The following PEAK1 variants were observed in gnomAD, a reference collection of about 807,000 sequenced individuals.
PEAK1 encodes the protein inactive tyrosine-protein kinase PEAK1.
A neutral mutation model predicts 124.7 loss-of-function variants in PEAK1; 54 were observed. The observed-to-expected ratio is 0.43, with a 90% CI of 0.35 to 0.54. The LOEUF (loss-of-function observed/expected upper bound fraction) is 0.54. Among genes scored for constraint, PEAK1 ranks in the 20% least tolerant of loss-of-function variants. PEAK1 has a pLI of 0.01. For synonymous variants in PEAK1, 719 were observed against 760.0 expected, an observed-to-expected ratio of 0.95 and a Z score of 0.89; for missense variants, 2,046 against 2,134.5, an observed-to-expected ratio of 0.96 and a Z score of 0.82.
At chr15:77,202,670 T>G (rs1596585887) in intron 6 of PEAK1, among the ~76,000 whole-genome samples, 1 of 148,798 alleles carries the variant, frequency 6.7e-6, no homozygotes, top group South Asian at 2.1e-4. Flanking sequence ...CTCAGGAGGC[T>G]GAGGCAGGAG....
At chr15:77,177,043 C>T (rs1045288916) in intron 7 of PEAK1, among the ~76,000 whole-genome samples, 5 of 152,110 alleles carry the variant, frequency 3.3e-5, no homozygotes, top group African/African-American at 9.7e-5. Flanking sequence ...GTGCAACCTC[C>T]ACCTCCCGGT....
At chr15:77,253,556 T>C (rs2060982829) in intron 5 of PEAK1, among the ~76,000 whole-genome samples, 1 of 152,210 alleles carries the variant, frequency 6.6e-6, no homozygotes, top group Admixed American at 6.5e-5. Flanking sequence ...TTATATTGTA[T>C]GTCTATTAAC....
chr15:77,134,271 G>A (rs142751743), intron 8 of PEAK1, among the ~76,000 whole-genome samples: 60 of 152,262 alleles, frequency 3.9e-4, no homozygotes, highest in African/African-American at 1.3e-3. Context: ...ATTATATATA[G>A]CATTTGTCAT....
rs55958042 is a variant in PEAK1, at chr15:77,225,666, T to TTATATATATATATATATATA, written c.-115+26681_-115+26700dup. Reference sequence around the variant, plus strand: ...GTGTGTGTGTGTGTGTGTGTATAATTTATATATATATATATATATATATAT... The same window carrying TTATATATATATATATATATA: ...GTGTGTGTGTGTGTGTGTGTATAATTTATATATATATATATATATATATATATATATATATATATATATAT... On this transcript the variant is annotated intron_variant, in intron 6 of 9. Coordinates refer to ENST00000682557, the MANE Select transcript of PEAK1 (RefSeq NM_001385026.1). Among the ~76,000 whole-genome samples the TTATATATATATATATATATA allele has an allele frequency of 1.3e-3, 113 of 87,980 alleles. 1 individual carries two copies. The highest frequency in any genetic ancestry group is 1.6e-3 in the Non-Finnish European group (70 of 43,236). The allele number at this position is 87,980 out of a possible 152,430, so 57.7% of individuals were successfully genotyped here. A position where few individuals can be genotyped will look rare whatever the true frequency, so the allele number is the denominator to read the frequency against.
rs544943015 is a variant in PEAK1, at chr15:77,322,004, C to T, written c.-602-35500G>A. On this transcript the variant is annotated intron_variant, in intron 2 of 9. Coordinates refer to ENST00000682557, the MANE Select transcript of PEAK1 (RefSeq NM_001385026.1). ...TCAAAACCGCTCGACTACATGGAAACGGAACAACCTGCTCCTGAATGACTA... is the reference window on the plus strand; with the variant it reads ...TCAAAACCGCTCGACTACATGGAAATGGAACAACCTGCTCCTGAATGACTA... Among the ~76,000 whole-genome samples, 10 of 152,272 alleles carry T rather than the reference C, an allele frequency of 6.6e-5. 1 individual carries two copies. In the South Asian group the frequency reaches 1.2e-3, roughly 19 times the overall value.
chr15:77,362,802 C>T (rs1015544395), intron 2 of PEAK1, among the ~76,000 whole-genome samples: 4 of 151,562 alleles, frequency 2.6e-5, no homozygotes, highest in Non-Finnish European at 5.9e-5. Flanking sequence ...TGAAATATGG[C>T]ATATAGATAT....
chr15:77,300,758 C>T (rs1380017606), intron 2 of PEAK1, among the ~76,000 whole-genome samples: 1 of 152,096 alleles, frequency 6.6e-6, no homozygotes, highest in Non-Finnish European at 1.5e-5. Flanking sequence ...GTTTCTCAGA[C>T]CTTCCTTGTT....
chr15:77,221,062 G>A (rs954343611), intron 6 of PEAK1, among the ~76,000 whole-genome samples: 1 of 152,006 alleles, frequency 6.6e-6, no homozygotes, highest in African/African-American at 2.4e-5. Flanking sequence ...AATATTTATT[G>A]TTTTCATAAT....
At chr15:77,391,607 C>G (rs112810872) in intron 1 of PEAK1, among the ~76,000 whole-genome samples, 1,523 of 151,798 alleles carry the variant, frequency 0.01, 31 homozygotes, top group African/African-American at 0.035. Flanking sequence ...ATTTCTGGCT[C>G]AGGCTAAGAT....
At position 77,286,489 on chromosome 15, in the gene PEAK1, C is replaced by G. The variant is rs1023007196; in HGVS notation, c.-587G>C. 204 of 1,227,822 alleles carry G rather than the reference C, an allele frequency of 1.7e-4. No individual in the cohort carries two copies. The highest frequency in any genetic ancestry group is 2.0e-4 in the Non-Finnish European group (197 of 984,758). 76.1% of individuals were successfully genotyped at this position (1,227,822 alleles called of 1,614,324 possible). ...TCCTTTTCTTTCCTTACAAATGGAT[C>G]TCAAGTATTCTTTTCCTATTAGAAG... On this transcript the variant is annotated 5_prime_UTR_variant, in exon 3 of 10. Coordinates refer to ENST00000682557, the MANE Select transcript of PEAK1 (RefSeq NM_001385026.1).
intron 1 of PEAK1, among the ~76,000 whole-genome samples, chr15:77,379,951 T>G (rs2069339114): frequency 6.6e-6 from 1 of 152,208 alleles, no homozygotes; most frequent in Non-Finnish European, 1.5e-5. Flanking sequence ...TCTTTTCTAG[T>G]ACTAAAATCC....
At chr15:77,323,051 G>C (rs2065332911) in intron 2 of PEAK1, among the ~76,000 whole-genome samples, 1 of 152,126 alleles carries the variant, frequency 6.6e-6, no homozygotes, top group South Asian at 2.1e-4. Flanking sequence ...TATCTCAATA[G>C]ATGCAGAAAA....
chr15:77,331,548 G>A (rs1032383666), intron 2 of PEAK1, among the ~76,000 whole-genome samples: 7 of 152,088 alleles, frequency 4.6e-5, no homozygotes, highest in African/African-American at 1.7e-4. Context: ...ATTTCTCTAG[G>A]ATAAATTATT....
At chr15:77,392,485 A>C (rs1419518717) in intron 1 of PEAK1, among the ~76,000 whole-genome samples, 1 of 152,232 alleles carries the variant, frequency 6.6e-6, no homozygotes, top group Non-Finnish European at 1.5e-5. Flanking sequence ...CAATCTCTGC[A>C]GCCTTAACTG....
At chr15:77,305,197 C>T (rs1464140330) in intron 2 of PEAK1, among the ~76,000 whole-genome samples, 7 of 78,566 alleles carry the variant, frequency 8.9e-5, no homozygotes, top group Non-Finnish European at 1.4e-4. Context: ...GAGGGAGGGA[C>T]GGAAGGAGGG....
At chr15:77,130,932 A>G (rs1025789070) in intron 9 of PEAK1, among the ~76,000 whole-genome samples, 1 of 152,210 alleles carries the variant, frequency 6.6e-6, no homozygotes, top group Non-Finnish European at 1.5e-5. Flanking sequence ...GCTCCATAAG[A>G]TGGGTGCCAT....
intron 7 of PEAK1, among the ~76,000 whole-genome samples, chr15:77,167,881 T>C (rs2056220678): frequency 6.6e-6 from 1 of 152,036 alleles, no homozygotes; most frequent in Non-Finnish European, 1.5e-5. Flanking sequence ...ATGCTATCCC[T>C]CCCCCATGCC....
Position 77,253,250 on chromosome 15 carries a change from G to GGT in PEAK1, c.-274-725_-274-724insAC, listed in dbSNP as rs1555457273. ...CTGTGAATTTTGGTATGCGTTGGGG[G>GGT]GGGGGTGGTCCTGGAGCCAATCTCC... On this transcript the variant is annotated intron_variant, in intron 5 of 9. Transcript: ENST00000682557. Among the ~76,000 whole-genome samples, 64 of 149,974 alleles carry GGT rather than the reference G, an allele frequency of 4.3e-4. 2 individuals are homozygous for GGT. The highest frequency in any genetic ancestry group is 3.4e-3 in the Middle Eastern group (1 of 292).
chr15:77,348,810 CGGG>C, intron 2 of PEAK1: 1 of 189,228 alleles, frequency 5.3e-6, no homozygotes, highest in Non-Finnish European at 6.4e-6. Context: ...GGGGAGGGGG[CGGG>C]CAGGTGGGGG....
Sources: gnomAD v4.1 joint callset for allele counts (sites outside exome capture counted in the v4.1 genomes callset) on GRCh38, gnomAD v4.1.1 for gene constraint, MANE v1.5 for transcripts, NCBI Gene and HGNC (gene_info 2026-07-23, HGNC 2026-07-21) for gene names.